Variants in DDX39A observed in about 807,000 individuals in gnomAD.
DDX39A encodes the protein ATP-dependent RNA helicase DDX39A.
In DDX39A, 13 loss-of-function variants were observed where a neutral mutation model predicts 46.3. The ratio of observed to expected loss-of-function variants is 0.28; its 90% CI spans 0.18 to 0.45. The LOEUF (loss-of-function observed/expected upper bound fraction) is 0.45. Among genes scored for constraint, DDX39A ranks in the 20% least tolerant of loss-of-function variants. DDX39A has a pLI of 1.00. For synonymous variants in DDX39A, 234 were observed against 224.6 expected, an observed-to-expected ratio of 1.04 and a Z score of -0.38; for missense variants, 352 against 581.8, an observed-to-expected ratio of 0.61 and a Z score of 4.06.
At chr19:14,417,732 G>A (rs191567480) in intron 1 of DDX39A, among the ~76,000 whole-genome samples, 1 of 152,334 alleles carries the variant, frequency 6.6e-6, no homozygotes, top group Admixed American at 6.5e-5. Context: ...CGGTGTGGTG[G>A]CATGGGCCTG....
rs1015952579 is a variant in DDX39A, at chr19:14,410,884, C to T, written c.613+105G>A. On this transcript the variant is annotated intron_variant, in intron 5 of 10. Coordinates refer to ENST00000242776, the MANE Select transcript of DDX39A (RefSeq NM_005804.4). This position sits in a 1 kb window ranked among gnomAD's most constrained non-coding sequence, Gnocchi z 4.3. ...CTTTCCCCAAGATCACCACAGGAGC[C>T]CCGCCTGCCGGCCGCCCATGTAACC... 5 of 1,082,372 alleles carry T rather than the reference C, an allele frequency of 4.6e-6. No homozygotes were observed. The highest frequency in any genetic ancestry group is 3.1e-4 in the Middle Eastern group (1 of 3,184). The allele number at this position is 1,082,372 out of a possible 1,614,324, so 67.0% of individuals were successfully genotyped here.
intron 1 of DDX39A, among the ~76,000 whole-genome samples, chr19:14,418,358 C>G (rs1287048047): frequency 6.6e-6 from 1 of 152,212 alleles, no homozygotes; most frequent in African/African-American, 2.4e-5. Context: ...AACCCAGACA[C>G]GCCACGTGTA....
Position 14,411,247 on chromosome 19 carries a change from C to G in DDX39A, c.430-75G>C, listed in dbSNP as rs146060032. 1.4e-4 allele frequency: 207 copies of G among 1,482,264 alleles called. 6 individuals are homozygous for G. In the South Asian group the frequency reaches 2.6e-3, roughly 18 times the overall value. The allele number at this position is 1,482,264 out of a possible 1,614,324, so 91.8% of individuals were successfully genotyped here. On this transcript the variant is annotated intron_variant, in intron 4 of 10. Coordinates refer to ENST00000242776, the MANE Select transcript of DDX39A (RefSeq NM_005804.4). The surrounding 1 kb of genome is among the most constrained non-coding windows in gnomAD (Gnocchi z 4.1). ...CCCAACCTGCACGGCCCAGCACCTGCGAACAGGAGGCCTCAGGGGACCAAG... is the reference window on the plus strand; with the variant it reads ...CCCAACCTGCACGGCCCAGCACCTGGGAACAGGAGGCCTCAGGGGACCAAG...
Position 14,409,927 on chromosome 19 carries a change from G to T in DDX39A, c.733-54C>A. ...GGCAGGGATCACCTCTGGGCATCTC[G>T]CCTGCCCAGAACCTTCCAGTGGGCG... On this transcript the variant is annotated intron_variant, in intron 6 of 10. Coordinates refer to ENST00000242776, the MANE Select transcript of DDX39A (RefSeq NM_005804.4). The surrounding 1 kb of genome is among the most constrained non-coding windows in gnomAD (Gnocchi z 8.3). 1 of 1,605,472 alleles carries T rather than the reference G, an allele frequency of 6.2e-7. No homozygotes were observed.
At position 14,411,092 on chromosome 19, in the gene DDX39A, C is replaced by T. The variant is rs1976569413; in HGVS notation, c.510G>A (p.Gly170=). 1 of 1,612,510 alleles carries T rather than the reference C, an allele frequency of 6.2e-7. No homozygotes were observed. The highest frequency in any genetic ancestry group is 8.5e-7 in the Non-Finnish European group (1 of 1,179,356). Residue 170 remains glycine (G), a synonymous_variant, in exon 5 of 11, where the codon GGG becomes GGA. Coordinates refer to ENST00000242776, the MANE Select transcript of DDX39A (RefSeq NM_005804.4). This position sits in a 1 kb window ranked among gnomAD's most constrained non-coding sequence, Gnocchi z 4.1. The part of the protein sequence containing the change: ...LKKNCPHVVV[G]TPGRILALVR... ...CGAGCGCCAGGATGCGGCCCGGGGTCCCCACCACGACATGGGGACAGTTCT... is the reference window on the plus strand; with the variant it reads ...CGAGCGCCAGGATGCGGCCCGGGGTTCCCACCACGACATGGGGACAGTTCT...
At position 14,412,475 on chromosome 19, in the gene DDX39A, T is replaced by C. The variant is rs1976631446; in HGVS notation, c.336+76A>G. 1 of 1,542,082 alleles carries C rather than the reference T, an allele frequency of 6.5e-7. No homozygotes were observed. The highest frequency in any genetic ancestry group is 8.7e-7 in the Non-Finnish European group (1 of 1,148,408). ...TCCCAAAGCACTGGGCTAACAGGTG[T>C]GAGCCACCCCATCCAGCCTACTCTA... On this transcript the variant is annotated intron_variant, in intron 3 of 10. Transcript: ENST00000242776. This position sits in a 1 kb window ranked among gnomAD's most constrained non-coding sequence, Gnocchi z 4.4.
At chr19:14,418,866 A>G (rs1976928209) in intron 1 of DDX39A, 2 of 455,562 alleles carry the variant, frequency 4.4e-6, no homozygotes, top group South Asian at 1.5e-5. Context: ...CTCGGACCCA[A>G]AGAAACCCCT....
rs1180508836 is a variant in DDX39A at position 14,410,386 on chromosome 19, C to T, written c.614-52G>A. ...GGGCATGAGCGTCTGCCATGCAGGA[C>T]CCCCACCCCAGACCAGACCCAGACC... On this transcript the variant is annotated intron_variant, in intron 5 of 10. Coordinates refer to ENST00000242776, the MANE Select transcript of DDX39A (RefSeq NM_005804.4). The surrounding 1 kb of genome is among the most constrained non-coding windows in gnomAD (Gnocchi z 4.3). The T allele has an allele frequency of 4.6e-6, 7 of 1,509,814 alleles. No individual in the cohort carries two copies. Among genetic ancestry groups the T allele is most frequent in the South Asian group, 1.1e-5 (1 of 89,040 alleles). The allele number at this position is 1,509,814 out of a possible 1,614,324, so 93.5% of individuals were successfully genotyped here.
chr19:14,414,414 G>A (rs1976723438), intron 1 of DDX39A, among the ~76,000 whole-genome samples: 1 of 149,044 alleles, frequency 6.7e-6, no homozygotes, highest in African/African-American at 2.4e-5. Flanking sequence ...GTGCAGTGGC[G>A]CAACCTCGGC....
In DDX39A at chr19:14,410,771, C is replaced by T. The variant is rs1439237785; in HGVS notation, c.613+218G>A. ...CCAGAGGTATGTGTGCATGCCTTTA[C>T]GTCCAGGAGGGACGGGGGCTTGCTT... On this transcript the variant is annotated intron_variant, in intron 5 of 10. Coordinates refer to ENST00000242776, the MANE Select transcript of DDX39A (RefSeq NM_005804.4). The surrounding 1 kb of genome is among the most constrained non-coding windows in gnomAD (Gnocchi z 4.3). 6 of 546,656 alleles carry T rather than the reference C, an allele frequency of 1.1e-5. No homozygotes were observed. The highest frequency in any genetic ancestry group is 3.8e-5 in the African/African-American group (2 of 52,892). 33.9% of individuals were successfully genotyped at this position (546,656 alleles called of 1,614,324 possible).
intron 1 of DDX39A, among the ~76,000 whole-genome samples, chr19:14,413,722 C>T (rs1020358653): frequency 2.0e-5 from 3 of 152,212 alleles, no homozygotes; most frequent in African/African-American, 4.8e-5. Context: ...AGCCCCCTCC[C>T]TATCACTCCC....
rs962973361 is a variant in DDX39A, at chr19:14,411,938, G to A, written c.337-340C>T. On this transcript the variant is annotated intron_variant, in intron 3 of 10. Coordinates refer to ENST00000242776, the MANE Select transcript of DDX39A (RefSeq NM_005804.4). This position sits in a 1 kb window ranked among gnomAD's most constrained non-coding sequence, Gnocchi z 4.1. ...ATTTCCTGAATCTCGGCACTCGGGCGGCCCCGGTCTTCCCACCCGTGCCAT... is the reference window on the plus strand; with the variant it reads ...ATTTCCTGAATCTCGGCACTCGGGCAGCCCCGGTCTTCCCACCCGTGCCAT... 2.6e-5 allele frequency among the ~76,000 whole-genome samples: 4 copies of A among 152,176 alleles called. No individual in the cohort carries two copies. The highest frequency in any genetic ancestry group is 4.4e-5 in the Non-Finnish European group (3 of 68,034).
At position 14,412,310 on chromosome 19, in the gene DDX39A, G is replaced by T; in HGVS notation, c.336+241C>A. The stretch of plus-strand genomic sequence containing the variant: ...CACTTTCCAGTTATTTTGGCTTATT[G>T]GCAATTTCTAATTTTTGTTATAACT... On this transcript the variant is annotated intron_variant, in intron 3 of 10. Transcript: ENST00000242776. The surrounding 1 kb of genome is among the most constrained non-coding windows in gnomAD (Gnocchi z 4.4). 2 of 473,550 alleles carry T rather than the reference G, an allele frequency of 4.2e-6. No homozygotes were observed. The highest frequency in any genetic ancestry group is 7.4e-6 in the Non-Finnish European group (2 of 270,436). 29.3% of individuals were successfully genotyped at this position (473,550 alleles called of 1,614,324 possible).
In DDX39A at chr19:14,410,131, T is replaced by C; in HGVS notation, c.732+85A>G. 1 of 1,258,488 alleles carries C rather than the reference T, an allele frequency of 7.9e-7. No homozygotes were observed. Among genetic ancestry groups the C allele is most frequent in the South Asian group, 1.2e-5 (1 of 83,630 alleles). 78.0% of individuals were successfully genotyped at this position (1,258,488 alleles called of 1,614,324 possible). On this transcript the variant is annotated intron_variant, in intron 6 of 10. Coordinates refer to ENST00000242776, the MANE Select transcript of DDX39A (RefSeq NM_005804.4). This position sits in a 1 kb window ranked among gnomAD's most constrained non-coding sequence, Gnocchi z 4.3. ...GCTCCCAGCATCCCAGCATCCTCCG[T>C]GCCATGTGGGCCGTGCGGGTGTCCT... is the stretch of plus-strand genomic sequence containing the variant.
intron 1 of DDX39A, chr19:14,416,095 T>C (rs1292335451): frequency 6.7e-6 from 1 of 148,630 alleles, no homozygotes; most frequent in African/African-American, 2.5e-5. Flanking sequence ...AACCTAAGAG[T>C]ACATCACTAT....
At position 14,409,639 on chromosome 19, in the gene DDX39A, T is replaced by C. The variant is rs765996110; in HGVS notation, c.871A>G (p.Ile291Val). Residue 291 changes from isoleucine (I) to valine (V), a missense_variant, in exon 8 of 11, where the codon ATC (isoleucine) becomes GTC (valine). Physicochemically the swap from Ile to Val is conservative, Grantham distance 29. Transcript: ENST00000242776. This position sits in a 1 kb window ranked among gnomAD's most constrained non-coding sequence, Gnocchi z 8.3. ...CAGCGCTGCACTGACTTGACGAAGA[T>C]TATCACCTGAGGGAAGGAGTGGCAG... Reference protein sequence around the residue: ...LDVLEFNQVIIFVKSVQRCMA... With the variant: ...LDVLEFNQVIVFVKSVQRCMA... The C allele has an allele frequency of 1.9e-6, 3 of 1,609,748 alleles. No individual in the cohort carries two copies. The highest frequency in any genetic ancestry group is 2.2e-5 in the East Asian group (1 of 44,780).
At position 14,409,702 on chromosome 19, in the gene DDX39A, G is replaced by C; in HGVS notation, c.864+40C>G. 6.2e-7 allele frequency: 1 copy of C among 1,612,320 alleles called. No individual in the cohort carries two copies. The highest frequency in any genetic ancestry group is 8.5e-7 in the Non-Finnish European group (1 of 1,178,582). On this transcript the variant is annotated intron_variant, in intron 7 of 10. Coordinates refer to ENST00000242776, the MANE Select transcript of DDX39A (RefSeq NM_005804.4). The surrounding 1 kb of genome is among the most constrained non-coding windows in gnomAD (Gnocchi z 8.3). ...AGTCCCTGTGGCCCAGTGACCTCCC[G>C]AAGGTCCTGAGCCCCAGGACAGGCT...
Position 14,409,601 on chromosome 19 carries a change from G to T in DDX39A, c.909C>A (p.Ala303=). 6.2e-7 allele frequency: 1 copy of T among 1,612,032 alleles called. No individual in the cohort carries two copies. Among genetic ancestry groups the T allele is most frequent in the Non-Finnish European group, 8.5e-7 (1 of 1,179,458 alleles). The change falls in exon 8 of 11, where the codon GCC becomes GCA. Residue 303 remains alanine (A), a synonymous_variant. Transcript: ENST00000242776. The surrounding 1 kb of genome is among the most constrained non-coding windows in gnomAD (Gnocchi z 8.3). ...GGAAGTTCTGCTCCACGAGGAGCTG[G>T]GCCAGGGCCATGCAGCGCTGCACTG... The part of the protein sequence containing the change: ...VKSVQRCMAL[A]QLLVEQNFPA...
In DDX39A at chr19:14,409,351, G is replaced by A. The variant is rs141070619; in HGVS notation, c.1071C>T (p.Ile357=). Reference sequence around the variant, plus strand: ...CCTCAGGCATGTCGTAGTTAAAGACGATGTTGACTCGCTCGATGTCCATCC... The same window carrying A: ...CCTCAGGCATGTCGTAGTTAAAGACAATGTTGACTCGCTCGATGTCCATCC... ...GRGMDIERVN[I]VFNYDMPEDS... The change falls in exon 9 of 11, where the codon ATC becomes ATT. Residue 357 remains isoleucine, a synonymous_variant. Coordinates refer to ENST00000242776, the MANE Select transcript of DDX39A (RefSeq NM_005804.4). The surrounding 1 kb of genome is among the most constrained non-coding windows in gnomAD (Gnocchi z 8.3). 1.7e-3 allele frequency: 2,666 copies of A among 1,614,222 alleles called. 6 individuals carry two copies. Among genetic ancestry groups the A allele is most frequent in the Admixed American group, 2.3e-3 (139 of 60,026 alleles).
Sources: gnomAD v4.1 joint callset for allele counts (sites outside exome capture counted in the v4.1 genomes callset) on GRCh38, gnomAD v4.1.1 for gene constraint, Gnocchi (gnomAD v3.1) non-coding constraint, MANE v1.5 for transcripts, NCBI Gene and HGNC (gene_info 2026-07-23, HGNC 2026-07-21) for gene names.